Variants in GLT8D2 observed in about 807,000 individuals in gnomAD.
GLT8D2 encodes glycosyltransferase 8 domain-containing protein 2.
A neutral mutation model predicts 44.5 loss-of-function variants in GLT8D2; 45 were observed. The observed-to-expected ratio is 1.01, with a 90% confidence interval of 0.80 to 1.30. The LOEUF is 1.30. GLT8D2 is among the 50% of genes most tolerant of loss of function. The probability of loss-of-function intolerance (pLI) is 0.00; values close to 1 mark genes in which losing one functional copy is unlikely to be tolerated. For synonymous variants in GLT8D2, 156 were observed against 157.2 expected (o/e 0.99, Z 0.06); for missense variants, 400 against 430.4 (o/e 0.93, Z 0.62).
At chr12:104,004,410 TA>T (rs1015634276) in intron 4 of GLT8D2, among the ~76,000 whole-genome samples, 1 of 152,074 alleles carries the variant, frequency 6.6e-6, no homozygotes. Context: ...AAATAAAGGG[TA>T]TTCATTTAGG....
chr12:103,992,421 T>C (rs1872853251), intron 10 of GLT8D2, among the ~76,000 whole-genome samples: 1 of 151,532 alleles, frequency 6.6e-6, no homozygotes, highest in East Asian at 1.9e-4. Flanking sequence ...CAAGAGAAAA[T>C]AAAAGTGTGG....
At chr12:104,013,991 G>C (rs114044835) in intron 4 of GLT8D2, among the ~76,000 whole-genome samples, 2 of 152,210 alleles carry the variant, frequency 1.3e-5, no homozygotes, top group African/African-American at 4.8e-5. Flanking sequence ...TGATCCTCCC[G>C]CCTCAGCCTC....
intron 4 of GLT8D2, among the ~76,000 whole-genome samples, chr12:104,013,927 TG>T (rs1038297574): frequency 2.8e-4 from 42 of 152,132 alleles, no homozygotes; most frequent in African/African-American, 9.7e-4. Context: ...TGCATGCAGA[TG>T]GGGTCTTGCT....
intron 2 of GLT8D2, among the ~76,000 whole-genome samples, chr12:104,019,956 A>G (rs1252841311): frequency 2.0e-5 from 3 of 152,074 alleles, no homozygotes; most frequent in African/African-American, 7.2e-5. Flanking sequence ...GTCTCGCTCC[A>G]TCACCCAGGC....
At chr12:104,031,573 A>C (rs1879263077) in intron 1 of GLT8D2, 5 of 1,610,646 alleles carry the variant, frequency 3.1e-6, no homozygotes, top group Non-Finnish European at 4.2e-6. Context: ...TGTCCCCAGG[A>C]GCACCCTCCC....
chr12:104,050,231 C>G (rs991416969), upstream of GLT8D2: 2 of 152,240 alleles, frequency 1.3e-5, no homozygotes, highest in African/African-American at 4.8e-5. Context: ...GGCTGGCCGG[C>G]TCGGATGCGC....
Position 104,021,936 on chromosome 12 carries a change from GAAGAAGAAGAA to G in GLT8D2, c.-163-456_-163-446del, listed in dbSNP as rs1877802981. ...AGAAGAAGAAGAAGAAGAAGAAGAAGAAGAAGAAGAAGAAGAAGAGGAAGAAGAGGAAGAGG... is the reference window on the plus strand; with the variant it reads ...AGAAGAAGAAGAAGAAGAAGAAGAAGGAAGAAGAGGAAGAAGAGGAAGAGG... On this transcript the variant is annotated intron_variant, in intron 1 of 10. Transcript: ENST00000360814. 1.6e-4 allele frequency among the ~76,000 whole-genome samples: 4 copies of G among 25,622 alleles called. 1 individual carries two copies. Among genetic ancestry groups the G allele is most frequent in the African/African-American group, 1.4e-4 (1 of 7,304 alleles). 16.8% of individuals were successfully genotyped at this position (25,622 alleles called of 152,430 possible). A position where few individuals can be genotyped will look rare whatever the true frequency, so the allele number is the denominator to read the frequency against.
chr12:104,021,026 G>C (rs560779033), intron 2 of GLT8D2, among the ~76,000 whole-genome samples: 29 of 152,308 alleles, frequency 1.9e-4, no homozygotes, highest in African/African-American at 6.3e-4. Context: ...ATTCCCAAGG[G>C]AATTCTGATG....
chr12:104,038,831 C>A (rs7358625), intron 1 of GLT8D2, among the ~76,000 whole-genome samples: 1 of 151,794 alleles, frequency 6.6e-6, no homozygotes, highest in Non-Finnish European at 1.5e-5. Context: ...GAGCCCACAT[C>A]GCCAAGACAA....
At chr12:104,028,162 T>G (rs1279193432) in intron 1 of GLT8D2, among the ~76,000 whole-genome samples, 2 of 152,182 alleles carry the variant, frequency 1.3e-5, no homozygotes, top group Non-Finnish European at 2.9e-5. Context: ...ACAGCAGTAA[T>G]GAGCCAAGAA....
upstream of GLT8D2, among the ~76,000 whole-genome samples, chr12:104,051,914 G>T (rs969510071): frequency 1.3e-5 from 2 of 151,996 alleles, no homozygotes; most frequent in African/African-American, 4.8e-5. Flanking sequence ...CAGTTACACT[G>T]ATTTGATCTT....
chr12:103,994,782 A>C (rs1451458141), intron 8 of GLT8D2, among the ~76,000 whole-genome samples: 1 of 152,112 alleles, frequency 6.6e-6, no homozygotes, highest in Non-Finnish European at 1.5e-5. Context: ...CACCCATCTG[A>C]CAGCCCTGAC....
In GLT8D2 at chr12:103,999,440, C is replaced by T; in HGVS notation, c.359G>A (p.Gly120Glu). 6.2e-7 allele frequency: 1 copy of T among 1,613,374 alleles called. No individual in the cohort carries two copies. The highest frequency in any genetic ancestry group is 1.1e-5 in the South Asian group (1 of 91,064). The stretch of plus-strand genomic sequence containing the variant: ...CCTCGATGAGTCTGGTCTGATCTTC[C>T]CTTTGAGGACCATCGGGTTGAATTC... ...IVEFNPMVLK[G>E]KIRPDSSRPE... The change falls in exon 6 of 11, where the codon GGG (glycine) becomes GAG (glutamate). Residue 120 changes from glycine to glutamate, a missense_variant. By Grantham distance (98) the Gly-to-Glu change is moderately conservative. Transcript: ENST00000360814.
At position 104,003,200 on chromosome 12, in the gene GLT8D2, G is replaced by A. The variant is rs1356780958; in HGVS notation, c.219C>T (p.Tyr73=). ...ACAAGATGTTGGCGTCAGTGTTGCT[G>A]TAGATGCTATTGATGGCAGCCATAG... ...GATMAAINSI[Y]SNTDANILFY... Residue 73 remains tyrosine (Y), a synonymous_variant, in exon 5 of 11, where the codon TAC becomes TAT. Coordinates refer to ENST00000360814, the MANE Select transcript of GLT8D2 (RefSeq NM_001384711.1). 1.2e-6 allele frequency: 2 copies of A among 1,614,096 alleles called. No homozygotes were observed. The highest frequency in any genetic ancestry group is 4.5e-5 in the East Asian group (2 of 44,882).
intron 1 of GLT8D2, among the ~76,000 whole-genome samples, chr12:104,033,288 CAT>C (rs1879536586): frequency 6.6e-6 from 1 of 152,052 alleles, no homozygotes; most frequent in Admixed American, 6.6e-5. Flanking sequence ...TGTATGTAGA[CAT>C]ATATATGCAC....
intron 1 of GLT8D2, among the ~76,000 whole-genome samples, chr12:104,034,741 C>G (rs1432839224): frequency 6.6e-6 from 1 of 152,262 alleles, no homozygotes; most frequent in Non-Finnish European, 1.5e-5. Context: ...GCAGCAGAAA[C>G]TTCTGCAGAC....
chr12:104,016,817 A>AGG, intron 3 of GLT8D2, among the ~76,000 whole-genome samples: 1 of 133,778 alleles, frequency 7.5e-6, no homozygotes, highest in African/African-American at 2.8e-5. Flanking sequence ...GAAAGAAAGA[A>AGG]AGAGAAAGAA....
intron 4 of GLT8D2, among the ~76,000 whole-genome samples, chr12:104,005,375 G>C (rs927418393): frequency 5.3e-5 from 8 of 152,264 alleles, no homozygotes; most frequent in South Asian, 2.1e-4. Flanking sequence ...AGCCAAAATT[G>C]ACAAATGGGA....
chr12:103,999,820 T>C (rs1398136255), intron 5 of GLT8D2, among the ~76,000 whole-genome samples: 1 of 152,226 alleles, frequency 6.6e-6, no homozygotes, highest in Non-Finnish European at 1.5e-5. Context: ...GTATTCTTTC[T>C]TATATAGCAG....
Sources: allele counts gnomAD v4.1 joint callset (sites outside exome capture counted in the v4.1 genomes callset), GRCh38; gene constraint gnomAD v4.1.1; transcripts MANE v1.5; gene names NCBI Gene and HGNC (gene_info 2026-07-23, HGNC 2026-07-21).